SERINC5: variants seen among roughly 807,000 people sequenced by gnomAD.
The protein encoded by SERINC5 is serine incorporator 5.
In SERINC5, 41 loss-of-function variants were observed where a neutral mutation model predicts 63.1. The ratio of observed to expected loss-of-function variants is 0.65; its 90% CI spans 0.51 to 0.84. The LOEUF (loss-of-function observed/expected upper bound fraction) is 0.84. Among genes scored for constraint, SERINC5 ranks in the 40% least tolerant of loss-of-function variants. SERINC5 has a pLI of 0.00. For missense variants in SERINC5, 523 were observed against 573.0 expected, an observed-to-expected ratio of 0.91 and a Z score of 0.89; for synonymous variants, 222 against 215.2, an observed-to-expected ratio of 1.03 and a Z score of -0.28.
intron 5 of SERINC5, among the ~76,000 whole-genome samples, chr5:80,173,181 G>GAAAGGAAAAGGA (rs150622050): frequency 1.3e-5 from 2 of 150,592 alleles, no homozygotes; most frequent in African/African-American, 4.9e-5. Context: ...AAAGAAAGAG[G>GAAAGGAAAAGGA]AAAGGAAAAG....
Position 80,212,939 on chromosome 5 carries a change from C to T in SERINC5, c.28-9886G>A, listed in dbSNP as rs369713084. 5.9e-5 allele frequency among the ~76,000 whole-genome samples: 9 copies of T among 152,248 alleles called. No individual in the cohort carries two copies. The East Asian group carries it at 1.4e-3, about 23-fold the overall frequency. ...TTCCCCCATACAAAAGAATACATGG[C>T]AACCCATGAAAGCTTACTGAATCAG... On this transcript the variant is annotated intron_variant, in intron 1 of 11. Transcript: ENST00000507668.
chr5:80,253,404 T>G (rs1321588855), intron 1 of SERINC5, among the ~76,000 whole-genome samples: 1 of 152,116 alleles, frequency 6.6e-6, no homozygotes, highest in African/African-American at 2.4e-5. Flanking sequence ...CATGACCAAC[T>G]CGAACTGCTT....
At chr5:80,249,187 T>TGC (rs1311704012) in intron 1 of SERINC5, among the ~76,000 whole-genome samples, 1 of 151,960 alleles carries the variant, frequency 6.6e-6, no homozygotes, top group East Asian at 1.9e-4. Flanking sequence ...TGGTGATGGG[T>TGC]GCCTGTAGTC....
chr5:80,169,429 T>G lies in SERINC5; in HGVS notation c.669A>C (p.Lys223Asn). The change falls in exon 6 of 12, where the codon AAA becomes AAC. Residue 223 changes from lysine (K) to asparagine (N), a missense_variant. Transcript: ENST00000507668. The part of the protein sequence containing the change: ...LVLMAVFYTQ[K>N]DSCMENKILL... The stretch of plus-strand genomic sequence containing the variant: ...GAATTTTGTTTTCCATGCAGCTGTC[T>G]TTCTGTGTATAAAACACTGCCATCA... The G allele has an allele frequency of 6.2e-7, 1 of 1,614,034 alleles. No homozygotes were observed. Among genetic ancestry groups the G allele is most frequent in the Non-Finnish European group, 8.5e-7 (1 of 1,179,884 alleles).
intron 11 of SERINC5, among the ~76,000 whole-genome samples, chr5:80,126,276 C>T (rs75582205): frequency 0.012 from 1,896 of 152,240 alleles, 17 homozygotes; most frequent in Non-Finnish European, 0.017. Context: ...CAGAAGCAAA[C>T]GAAGAGTCAA....
chr5:80,255,789 C>T (rs1752647671), intron 1 of SERINC5, 107 bp downstream of exon 1: 3 of 1,219,728 alleles, frequency 2.5e-6, no homozygotes, highest in Non-Finnish European at 3.5e-6. Flanking sequence ...CCGGGCCCTA[C>T]GTTCGGCCGC....
At chr5:80,118,134 C>T (rs12523350) in intron 11 of SERINC5, among the ~76,000 whole-genome samples, 45,896 of 151,558 alleles carry the variant, frequency 0.3, 7,378 homozygotes, top group Non-Finnish European at 0.37. Flanking sequence ...AACTGGGAGG[C>T]GGAGGTTGCA....
At chr5:80,135,791 C>T (rs1745145830), downstream of SERINC5, among the ~76,000 whole-genome samples, 1 of 149,730 alleles carries the variant, frequency 6.7e-6, no homozygotes, top group Non-Finnish European at 1.5e-5. Flanking sequence ...TCCTGAATTG[C>T]TACATAAAAA....
Position 80,235,248 on chromosome 5 carries a change from T to C in SERINC5, c.27+20648A>G, listed in dbSNP as rs546216618. On this transcript the variant is annotated intron_variant, in intron 1 of 11. Transcript: ENST00000507668. ...ATAATGTCCTTGAGGTGCAACCACGTTGTAGTATGTGACAAGTTTTCCTTC... is the reference window on the plus strand; with the variant it reads ...ATAATGTCCTTGAGGTGCAACCACGCTGTAGTATGTGACAAGTTTTCCTTC... Among the ~76,000 whole-genome samples, 17 of 152,364 alleles carry C rather than the reference T, an allele frequency of 1.1e-4. 1 individual carries two copies. The highest frequency in any genetic ancestry group is 3.3e-4 in the Admixed American group (5 of 15,292).
At chr5:80,178,570 G>T (rs1748206903) in intron 2 of SERINC5, among the ~76,000 whole-genome samples, 1 of 120,428 alleles carries the variant, frequency 8.3e-6, no homozygotes. Flanking sequence ...TGTAGAGATG[G>T]GGTTTTGTCA....
At chr5:80,193,693 A>G (rs3923123) in intron 2 of SERINC5, among the ~76,000 whole-genome samples, 94,062 of 152,002 alleles carry the variant, frequency 0.62, 29,841 homozygotes, top group East Asian at 0.82. Context: ...CTCTCAGCAG[A>G]ATATCCATTA....
At chr5:80,111,867 CAT>C (rs1348694425) in intron 12 of SERINC5, among the ~76,000 whole-genome samples, 6 of 152,232 alleles carry the variant, frequency 3.9e-5, no homozygotes, top group Admixed American at 2.6e-4. Context: ...CTCACAGAAA[CAT>C]GTGTTGTATG....
At position 80,141,996 on chromosome 5, in the gene SERINC5, C is replaced by G; in HGVS notation, c.*1667G>C. 1 of 985,386 alleles carries G rather than the reference C, an allele frequency of 1.0e-6. No individual in the cohort carries two copies. The highest frequency in any genetic ancestry group is 1.2e-6 in the Non-Finnish European group (1 of 829,922). 61.0% of individuals were successfully genotyped at this position (985,386 alleles called of 1,614,324 possible). ...TAGAAAGAATTTCACTAATTTCACC[C>G]ACCAGCATTTTGGCACACAGAAGCC... is the stretch of plus-strand genomic sequence containing the variant. On this transcript the variant is annotated 3_prime_UTR_variant, in exon 12 of 12. Coordinates refer to ENST00000507668, the MANE Select transcript of SERINC5 (RefSeq NM_001174072.3).
intron 1 of SERINC5, among the ~76,000 whole-genome samples, chr5:80,248,187 T>TA (rs1464724232): frequency 1.3e-5 from 2 of 152,188 alleles, no homozygotes; most frequent in Non-Finnish European, 2.9e-5. Context: ...TAGGCACAGT[T>TA]AAGAGATTAA....
rs10700420 is a variant in SERINC5, at chr5:80,122,197, G to GTATATATATATATATATATA, written c.1239-8573_1239-8572insTATATATATATATATATATA. On this transcript the variant is annotated intron_variant, in intron 11 of 12. Coordinates refer to the SERINC5 transcript ENST00000509193. ...CTTCTCTAGAGGGACAGAACTAATAGTATATATATATATATAATATGAGTT... is the reference window on the plus strand; with the variant it reads ...CTTCTCTAGAGGGACAGAACTAATAGTATATATATATATATATATATATATATATATATATAATATGAGTT... Among the ~76,000 whole-genome samples the GTATATATATATATATATATA allele has an allele frequency of 5.4e-3, 631 of 116,672 alleles. 10 individuals carry two copies. Among genetic ancestry groups the GTATATATATATATATATATA allele is most frequent in the Middle Eastern group, 8.3e-3 (2 of 242 alleles). 76.5% of individuals were successfully genotyped at this position (116,672 alleles called of 152,430 possible).
chr5:80,198,928 T>C (rs143646745), intron 2 of SERINC5, among the ~76,000 whole-genome samples: 9 of 152,166 alleles, frequency 5.9e-5, no homozygotes, highest in Non-Finnish European at 1.2e-4. Flanking sequence ...GACATCAGGG[T>C]TGCCTTCCCT....
rs1016883055 is a variant in SERINC5 at position 80,177,907 on chromosome 5, C to T, written c.353G>A (p.Cys118Tyr). 2 of 1,610,048 alleles carry T rather than the reference C, an allele frequency of 1.2e-6. No homozygotes were observed. The highest frequency in any genetic ancestry group is 1.7e-5 in the Admixed American group (1 of 59,104). Residue 118 changes from cysteine (C) to tyrosine (Y), a missense_variant, in exon 3 of 12, where the codon TGT becomes TAT. Transcript: ENST00000507668. The stretch of plus-strand genomic sequence containing the variant: ...TTACCCATTGTGAATATGAGCTCTA[C>T]AACTTTTGCTGTTGTTGATTTTCAA... ...LTLKINNSKS[C>Y]RAHIHNGFWF... is the part of the protein sequence containing the mutation.
At chr5:80,183,389 C>T (rs922239127) in intron 2 of SERINC5, among the ~76,000 whole-genome samples, 5 of 152,206 alleles carry the variant, frequency 3.3e-5, no homozygotes, top group East Asian at 1.9e-4. Flanking sequence ...GGTATCCCAG[C>T]GAGAACAGTC....
At chr5:80,184,409 A>C (rs1191529599) in intron 2 of SERINC5, among the ~76,000 whole-genome samples, 1 of 152,136 alleles carries the variant, frequency 6.6e-6, no homozygotes, top group African/African-American at 2.4e-5. Flanking sequence ...TTCAAGGAGA[A>C]TGCTAACAGC....
Sources: gnomAD v4.1 joint callset for allele counts (sites outside exome capture counted in the v4.1 genomes callset) on GRCh38, gnomAD v4.1.1 for gene constraint, MANE v1.5 for transcripts, NCBI Gene and HGNC (gene_info 2026-07-23, HGNC 2026-07-21) for gene names.